Variants in PARD3 observed in about 807,000 individuals in gnomAD.
PARD3 encodes partitioning defective 3 homolog.
A neutral mutation model predicts 155.4 loss-of-function variants in PARD3; 75 were observed. The ratio of observed to expected loss-of-function variants is 0.48; its 90% CI spans 0.40 to 0.58. The LOEUF is 0.58. PARD3 is among the 20% of genes least tolerant of loss of function. The probability of loss-of-function intolerance (pLI) is 0.00; values close to 1 mark genes in which losing one functional copy is unlikely to be tolerated. For synonymous variants in PARD3, 576 were observed against 610.5 expected, an observed-to-expected ratio of 0.94 and a Z score of 0.83; for missense variants, 1,642 against 1,721.7, an observed-to-expected ratio of 0.95 and a Z score of 0.82.
At chr10:34,509,239 C>T (rs1360123646) in intron 3 of PARD3, among the ~76,000 whole-genome samples, 1 of 152,068 alleles carries the variant, frequency 6.6e-6, no homozygotes, top group Non-Finnish European at 1.5e-5. Context: ...ATGCATCTAC[C>T]TGGGAGCATG....
chr10:34,488,013 T>C (rs2079588213), intron 3 of PARD3, among the ~76,000 whole-genome samples: 1 of 152,212 alleles, frequency 6.6e-6, no homozygotes, highest in Non-Finnish European at 1.5e-5. Context: ...TTCTTTATTA[T>C]TATAACCTTT....
In PARD3 at chr10:34,632,802, T is replaced by C. The variant is rs145598561; in HGVS notation, c.222+63516A>G. Among the ~76,000 whole-genome samples, 353 of 152,320 alleles carry C rather than the reference T, an allele frequency of 2.3e-3. 1 individual carries two copies. Among genetic ancestry groups the C allele is most frequent in the African/African-American group, 8.2e-3 (343 of 41,586 alleles). ...CATCAAAGCATCTGTAACACTCCAATAGATTCAAACAGAAGGAATCAATTA... is the reference window on the plus strand; with the variant it reads ...CATCAAAGCATCTGTAACACTCCAACAGATTCAAACAGAAGGAATCAATTA... On this transcript the variant is annotated intron_variant, in intron 2 of 24. Transcript: ENST00000374788.
chr10:34,494,690 A>T (rs1264083113), intron 3 of PARD3, among the ~76,000 whole-genome samples: 1 of 152,230 alleles, frequency 6.6e-6, no homozygotes, highest in Non-Finnish European at 1.5e-5. Flanking sequence ...ATTATTAAAC[A>T]TATACAAGGA....
chr10:34,158,919 G>A (rs1404420150), intron 22 of PARD3, among the ~76,000 whole-genome samples: 1 of 152,146 alleles, frequency 6.6e-6, no homozygotes, highest in Non-Finnish European at 1.5e-5. Flanking sequence ...AAAGGCTTTG[G>A]GACAAGTCAG....
chr10:34,509,360 G>T (rs1467413070), intron 3 of PARD3, among the ~76,000 whole-genome samples: 1 of 152,108 alleles, frequency 6.6e-6, no homozygotes, highest in African/African-American at 2.4e-5. Context: ...GGGGGTCAAG[G>T]TGTAATGTGG....
At chr10:34,430,046 T>C (rs928631675) in intron 5 of PARD3, among the ~76,000 whole-genome samples, 5 of 152,234 alleles carry the variant, frequency 3.3e-5, no homozygotes, top group Admixed American at 2.0e-4. Flanking sequence ...ATCTGTTTTA[T>C]TTACAAAAAG....
At chr10:34,419,881 T>C (rs1846025996) in intron 5 of PARD3, among the ~76,000 whole-genome samples, 1 of 152,260 alleles carries the variant, frequency 6.6e-6, no homozygotes, top group Non-Finnish European at 1.5e-5. Flanking sequence ...TTGTTCTTTT[T>C]ACTTAACAAC....
At chr10:34,371,763 T>C (rs941648747) in intron 12 of PARD3, among the ~76,000 whole-genome samples, 1 of 152,090 alleles carries the variant, frequency 6.6e-6, no homozygotes, top group Admixed American at 6.6e-5. Context: ...GCTATGTTGT[T>C]TGATGTAAAA....
chr10:34,696,215 T>C, intron 2 of PARD3, 103 bp downstream of exon 2: 1 of 677,552 alleles, frequency 1.5e-6, no homozygotes, highest in South Asian at 1.9e-5. Flanking sequence ...ACACATAATT[T>C]AAAGTATGTG....
intron 11 of PARD3, 37 bp downstream of exon 11, chr10:34,374,837 A>T (rs772871713): frequency 6.9e-6 from 11 of 1,604,556 alleles, no homozygotes; most frequent in Non-Finnish European, 8.5e-6. Context: ...TGGCTGCTGC[A>T]TATCAGAAAT....
intron 2 of PARD3, among the ~76,000 whole-genome samples, chr10:34,607,292 G>C (rs1431312409): frequency 6.6e-6 from 1 of 152,150 alleles, no homozygotes; most frequent in African/African-American, 2.4e-5. Context: ...CAACCCTCCA[G>C]GGTACACACA....
At chr10:34,545,218 A>C (rs1026041886) in intron 2 of PARD3, among the ~76,000 whole-genome samples, 1 of 152,208 alleles carries the variant, frequency 6.6e-6, no homozygotes, top group Non-Finnish European at 1.5e-5. Context: ...TTGCAACCTG[A>C]TCACCTGTTC....
intron 3 of PARD3, among the ~76,000 whole-genome samples, chr10:34,471,737 T>C (rs1252887765): frequency 2.0e-5 from 3 of 152,162 alleles, no homozygotes; most frequent in African/African-American, 4.8e-5. Flanking sequence ...TTTTGTGTTT[T>C]TAGTAGAGAC....
chr10:34,697,021 T>C (rs949578619), intron 1 of PARD3, among the ~76,000 whole-genome samples: 23 of 137,972 alleles, frequency 1.7e-4, no homozygotes, highest in Non-Finnish European at 2.2e-4. Context: ...CACACACACA[T>C]ATTAAAATGC....
At chr10:34,614,060 C>T (rs897744434) in intron 2 of PARD3, among the ~76,000 whole-genome samples, 20 of 152,072 alleles carry the variant, frequency 1.3e-4, no homozygotes, top group Admixed American at 1.2e-3. Flanking sequence ...TGTTTGTATG[C>T]TTGATCTAGC....
chr10:34,470,018 C>CA, intron 4 of PARD3, 67 bp downstream of exon 4: 1 of 1,300,792 alleles, frequency 7.7e-7, no homozygotes, highest in Non-Finnish European at 1.1e-6. Context: ...CAAGACACGA[C>CA]ACTCATCACG....
rs77686461 is a variant in PARD3, at chr10:34,381,329, G to A, written c.1399+1211C>T. On this transcript the variant is annotated intron_variant, in intron 9 of 24. Coordinates refer to ENST00000374788, the MANE Select transcript of PARD3 (RefSeq NM_001184785.2). Reference sequence around the variant, plus strand: ...CATCCAACTATAAGAGTTGATGGTTGAGCCTATAAAAAAAAATATTCTTTA... The same window carrying A: ...CATCCAACTATAAGAGTTGATGGTTAAGCCTATAAAAAAAAATATTCTTTA... Among the ~76,000 whole-genome samples the A allele has an allele frequency of 3.0e-3, 456 of 152,172 alleles. 2 individuals carry two copies. The highest frequency in any genetic ancestry group is 0.01 in the African/African-American group (429 of 41,516).
chr10:34,661,278 C>G (rs1477145587), intron 2 of PARD3, among the ~76,000 whole-genome samples: 1 of 152,162 alleles, frequency 6.6e-6, no homozygotes, highest in African/African-American at 2.4e-5. Flanking sequence ...AATGTGCTGA[C>G]AAAGCTAACT....
intron 20 of PARD3, among the ~76,000 whole-genome samples, chr10:34,307,956 G>A (rs1381424080): frequency 6.6e-6 from 1 of 152,174 alleles, no homozygotes; most frequent in African/African-American, 2.4e-5. Flanking sequence ...CAGGGTGAGA[G>A]GGAGCAGAGT....
Sources: allele counts gnomAD v4.1 joint callset (sites outside exome capture counted in the v4.1 genomes callset), GRCh38; gene constraint gnomAD v4.1.1; transcripts MANE v1.5; gene names NCBI Gene and HGNC (gene_info 2026-07-23, HGNC 2026-07-21).